Variants in CHN2 observed in about 807,000 individuals in gnomAD.
CHN2 encodes the protein chimerin 2.
Under a neutral mutation model 56.3 loss-of-function variants are expected in CHN2, and 35 were observed. The observed-to-expected ratio is 0.62, with a 90% CI of 0.47 to 0.82. CHN2 has a LOEUF of 0.82. Ranked by LOEUF, CHN2 falls within the 40% of genes least tolerant of loss-of-function variation. CHN2 has a pLI of 0.00. For synonymous variants in CHN2, 210 were observed against 212.8 expected, an observed-to-expected ratio of 0.99 and a Z score of 0.12; for missense variants, 491 against 580.5, an observed-to-expected ratio of 0.85 and a Z score of 1.58.
At chr7:29,271,272 A>G (rs1484334703) in intron 1 of CHN2, among the ~76,000 whole-genome samples, 1 of 152,206 alleles carries the variant, frequency 6.6e-6, no homozygotes, top group Non-Finnish European at 1.5e-5. Flanking sequence ...GGCCCTGGTC[A>G]TTGTCTGCAT....
chr7:29,390,053 CAAAAAAAA>C (rs59954760), intron 3 of CHN2, among the ~76,000 whole-genome samples: 2 of 122,010 alleles, frequency 1.6e-5, no homozygotes. Context: ...GACACTGTCT[CAAAAAAAA>C]AAAAAAAAAG....
At chr7:29,214,821 A>T (rs1785217701) in intron 1 of CHN2, among the ~76,000 whole-genome samples, 1 of 152,108 alleles carries the variant, frequency 6.6e-6, no homozygotes. Flanking sequence ...TATTTTTCTC[A>T]TTGTTTCTCT....
intron 1 of CHN2, among the ~76,000 whole-genome samples, chr7:29,218,047 G>A (rs1034260728): frequency 5.9e-5 from 9 of 152,070 alleles, no homozygotes; most frequent in African/African-American, 2.2e-4. Flanking sequence ...TTAGCCTGTA[G>A]TTTTAACCCT....
chr7:29,309,074 G>A (rs1251147809), intron 1 of CHN2, among the ~76,000 whole-genome samples: 1 of 152,218 alleles, frequency 6.6e-6, no homozygotes, highest in Non-Finnish European at 1.5e-5. Context: ...TGAATGGAAA[G>A]CATAGACCTT....
chr7:29,245,133 A>C (rs1234521929), intron 1 of CHN2, among the ~76,000 whole-genome samples: 1 of 152,162 alleles, frequency 6.6e-6, no homozygotes, highest in Non-Finnish European at 1.5e-5. Flanking sequence ...TTTTTTATTA[A>C]GACTCTGCGC....
intron 6 of CHN2, among the ~76,000 whole-genome samples, chr7:29,421,117 A>G (rs1410933473): frequency 6.6e-6 from 1 of 152,140 alleles, no homozygotes; most frequent in South Asian, 2.1e-4. Context: ...ACCACAACTA[A>G]ATTTAGAAAG....
chr7:29,289,096 C>T (rs1235474463), intron 1 of CHN2: 1 of 152,168 alleles, frequency 6.6e-6, no homozygotes, highest in Non-Finnish European at 1.5e-5. Flanking sequence ...CCTACCAACC[C>T]GCACCAACGC....
chr7:29,281,028 A>G (rs1791667339), intron 1 of CHN2, among the ~76,000 whole-genome samples: 1 of 152,248 alleles, frequency 6.6e-6, no homozygotes, highest in African/African-American at 2.4e-5. Flanking sequence ...TATACATTGT[A>G]TGATAAAATA....
intron 1 of CHN2, among the ~76,000 whole-genome samples, chr7:29,207,793 A>C (rs2269903): frequency 0.09 from 13,713 of 152,256 alleles, 808 homozygotes; most frequent in East Asian, 0.2. Context: ...CAAAGAACCG[A>C]CACCCTTTGA....
intron 1 of CHN2, among the ~76,000 whole-genome samples, chr7:29,327,912 G>A (rs149588256): frequency 1.6e-4 from 25 of 152,222 alleles, no homozygotes; most frequent in African/African-American, 6.0e-4. Flanking sequence ...ACCTTCCAGA[G>A]AAAATGGGTA....
At chr7:29,306,385 G>T (rs1030967325) in intron 1 of CHN2, among the ~76,000 whole-genome samples, 1 of 152,158 alleles carries the variant, frequency 6.6e-6, no homozygotes. Flanking sequence ...AAGGAGGAAC[G>T]CACTGATTGA....
At chr7:29,215,797 C>T (rs900830703) in intron 1 of CHN2, among the ~76,000 whole-genome samples, 2 of 151,912 alleles carry the variant, frequency 1.3e-5, no homozygotes, top group Non-Finnish European at 2.9e-5. Context: ...TTCCAAGGAC[C>T]ATAACCTATG....
chr7:29,291,343 G>C (rs1401381828), intron 1 of CHN2, among the ~76,000 whole-genome samples: 2 of 152,030 alleles, frequency 1.3e-5, no homozygotes, highest in Admixed American at 6.5e-5. Context: ...ATTAACAACT[G>C]CCTGACCATC....
At chr7:29,242,207 A>G (rs1787740099) in intron 1 of CHN2, among the ~76,000 whole-genome samples, 1 of 152,184 alleles carries the variant, frequency 6.6e-6, no homozygotes, top group African/African-American at 2.4e-5. Flanking sequence ...GGCTGCCTCT[A>G]AAGGACATAT....
chr7:29,441,967 A>G (rs1025542923), intron 6 of CHN2, among the ~76,000 whole-genome samples: 5 of 152,182 alleles, frequency 3.3e-5, no homozygotes, highest in African/African-American at 9.7e-5. Flanking sequence ...TACTGAAACA[A>G]CACTTGTATA....
intron 7 of CHN2, among the ~76,000 whole-genome samples, chr7:29,489,739 G>C (rs558966429): frequency 6.6e-6 from 1 of 152,264 alleles, no homozygotes; most frequent in South Asian, 2.1e-4. Context: ...TCTTCGAGAC[G>C]TCTATGCATT....
intron 2 of CHN2, among the ~76,000 whole-genome samples, chr7:29,177,927 C>T (rs972233086): frequency 2.0e-5 from 3 of 152,172 alleles, no homozygotes; most frequent in East Asian, 1.9e-4. Context: ...ACACAACCCT[C>T]GGTTCCATCC....
intron 6 of CHN2, among the ~76,000 whole-genome samples, chr7:29,474,180 A>T (rs1313277447): frequency 2.6e-5 from 4 of 152,198 alleles, no homozygotes; most frequent in African/African-American, 9.7e-5. Context: ...ACCTAACATT[A>T]TACCAGAGGC....
chr7:29,333,382 T>C (rs962084226), intron 1 of CHN2, among the ~76,000 whole-genome samples: 2 of 152,180 alleles, frequency 1.3e-5, no homozygotes, highest in African/African-American at 4.8e-5. Context: ...CTCAGAGTCT[T>C]GTTCTCAGAA....
Sources: gnomAD v4.1 joint callset for allele counts (sites outside exome capture counted in the v4.1 genomes callset) on GRCh38, gnomAD v4.1.1 for gene constraint, MANE v1.5 for transcripts, NCBI Gene and HGNC (gene_info 2026-07-23, HGNC 2026-07-21) for gene names.